Variants in ZFP3 observed in about 807,000 individuals in gnomAD.
ZFP3 encodes the protein zinc finger protein 3 homolog.
Under a neutral mutation model 36.7 loss-of-function variants are expected in ZFP3, and 18 were observed. The observed-to-expected ratio is 0.49, with a 90% CI of 0.34 to 0.73. ZFP3 has a LOEUF of 0.73. ZFP3 is among the 30% of genes least tolerant of loss of function. The pLI is 0.01. For missense variants in ZFP3, 495 were observed against 599.0 expected, an observed-to-expected ratio of 0.83 and a Z score of 1.81; for synonymous variants, 218 against 199.0, an observed-to-expected ratio of 1.10 and a Z score of -0.81.
chr17:5,088,607 C>A (rs1170762613), intron 1 of ZFP3, among the ~76,000 whole-genome samples: 1 of 151,976 alleles, frequency 6.6e-6, no homozygotes, highest in African/African-American at 2.4e-5. Context: ...CGCCACCATG[C>A]CCGGCTAATT....
intron 1 of ZFP3, among the ~76,000 whole-genome samples, chr17:5,083,164 C>T (rs2072102851): frequency 6.6e-6 from 1 of 152,100 alleles, no homozygotes; most frequent in Non-Finnish European, 1.5e-5. Context: ...TGGCAATGTA[C>T]CCATAATTCT....
At position 5,094,639 on chromosome 17, in the gene ZFP3, ATTTAAC is replaced by A. The variant is rs1211037201; in HGVS notation, c.*1631_*1636del. 1.8e-5 allele frequency: 3 copies of A among 167,242 alleles called. No individual in the cohort carries two copies. Among genetic ancestry groups the A allele is most frequent in the Admixed American group, 1.3e-4 (2 of 15,306 alleles). 10.4% of individuals were successfully genotyped at this position (167,242 alleles called of 1,614,324 possible). ...CCGATAATTCCTTAATTCTTTAAAAATTTAACTTTATATATCTTTATTATTCTTTAA... is the reference window on the plus strand; with the variant it reads ...CCGATAATTCCTTAATTCTTTAAAAATTTATATATCTTTATTATTCTTTAA... On this transcript the variant is annotated 3_prime_UTR_variant, in exon 2 of 2. Transcript: ENST00000318833.
intron 1 of ZFP3, among the ~76,000 whole-genome samples, chr17:5,080,045 A>G (rs970266481): frequency 8.2e-5 from 12 of 146,790 alleles, no homozygotes; most frequent in African/African-American, 2.3e-4. Flanking sequence ...TCTCCAAAGA[A>G]AAAAAAAAAA....
chr17:5,083,773 C>T (rs2072106013), intron 1 of ZFP3, among the ~76,000 whole-genome samples: 1 of 152,192 alleles, frequency 6.6e-6, no homozygotes, highest in South Asian at 2.1e-4. Context: ...AGACATTCAT[C>T]TAACAAGATC....
In ZFP3 at chr17:5,092,440, T is replaced by C; in HGVS notation, c.936T>C (p.Asn312=). The C allele has an allele frequency of 2.5e-6, 4 of 1,614,070 alleles. No individual in the cohort carries two copies. The highest frequency in any genetic ancestry group is 3.4e-6 in the Non-Finnish European group (4 of 1,180,012). ...IHTGEKPYLC[N]ECGKGFGQSS... ...CTGGAGAAAAACCATATCTGTGTAA[T>C]GAATGTGGGAAGGGCTTCGGGCAGA... The change falls in exon 2 of 2, where the codon AAT becomes AAC. Residue 312 remains asparagine, a synonymous_variant. Transcript: ENST00000318833. This position sits in a 1 kb window ranked among gnomAD's most constrained non-coding sequence, Gnocchi z 5.0.
chr17:5,087,817 C>T (rs1696103468), intron 1 of ZFP3, among the ~76,000 whole-genome samples: 1 of 152,150 alleles, frequency 6.6e-6, no homozygotes, highest in Admixed American at 6.5e-5. Flanking sequence ...GCCCTTTCGT[C>T]CCTGCTTCCA....
chr17:5,082,579 G>T (rs2072099816), intron 1 of ZFP3, among the ~76,000 whole-genome samples: 1 of 152,134 alleles, frequency 6.6e-6, no homozygotes, highest in Admixed American at 6.5e-5. Flanking sequence ...CCAGGCTGGA[G>T]TGCAGTGGTG....
rs2072172121 is a variant in ZFP3, at chr17:5,094,877, T to C, written c.*1864T>C. ...GTTGAATGATTTTTAATTTACATAGTGGTGCAACCATCAATGATGTGGGTA... is the reference window on the plus strand; with the variant it reads ...GTTGAATGATTTTTAATTTACATAGCGGTGCAACCATCAATGATGTGGGTA... On this transcript the variant is annotated 3_prime_UTR_variant, in exon 2 of 2. Transcript: ENST00000318833. 1 of 167,048 alleles carries C rather than the reference T, an allele frequency of 6.0e-6. No homozygotes were observed. The highest frequency in any genetic ancestry group is 6.5e-5 in the Admixed American group (1 of 15,274). 10.3% of individuals were successfully genotyped at this position (167,048 alleles called of 1,614,324 possible). A position where few individuals can be genotyped will look rare whatever the true frequency, so the allele number is the denominator to read the frequency against.
chr17:5,082,075 C>G (rs1475303508), intron 1 of ZFP3, among the ~76,000 whole-genome samples: 1 of 148,520 alleles, frequency 6.7e-6, no homozygotes, highest in Non-Finnish European at 1.5e-5. Context: ...AGGCTGGGCA[C>G]GGTGCCTCAC....
rs1030064102 is a variant in ZFP3, at chr17:5,082,229, C to T, written c.-9+3654C>T. On this transcript the variant is annotated intron_variant, in intron 1 of 1. Transcript: ENST00000318833. ...GGGCCTGGTGGTGGGCGTGTGTAAT[C>T]CCAGCTACTAGGGAGGCTGAGGCAG... Among the ~76,000 whole-genome samples the T allele has an allele frequency of 4.6e-5, 7 of 151,966 alleles. No homozygotes were observed. In the East Asian group the frequency reaches 1.4e-3, roughly 30 times the overall value.
intron 1 of ZFP3, among the ~76,000 whole-genome samples, chr17:5,084,766 A>G (rs760859884): frequency 5.9e-5 from 9 of 152,148 alleles, no homozygotes; most frequent in Non-Finnish European, 1.0e-4. Flanking sequence ...AGAAACATTT[A>G]ATTTCAGATT....
intron 1 of ZFP3, among the ~76,000 whole-genome samples, chr17:5,079,025 G>A (rs1191332980): frequency 6.6e-6 from 1 of 152,228 alleles, no homozygotes; most frequent in Non-Finnish European, 1.5e-5. Context: ...AAAGGAGACA[G>A]GTTTGAGCTG....
At chr17:5,081,333 G>C (rs1203273303) in intron 1 of ZFP3, among the ~76,000 whole-genome samples, 2 of 151,914 alleles carry the variant, frequency 1.3e-5, no homozygotes, top group Non-Finnish European at 2.9e-5. Context: ...TACTCCTCCT[G>C]TACTTCCTGG....
rs1484622608 is a variant in ZFP3 at position 5,093,236 on chromosome 17, G to A, written c.*223G>A. Reference sequence around the variant, plus strand: ...TCTGTTGCCCAGGATGGGATGCAGTGGCACAGTCGTAACTCACTGCTTCCT... The same window carrying A: ...TCTGTTGCCCAGGATGGGATGCAGTAGCACAGTCGTAACTCACTGCTTCCT... On this transcript the variant is annotated 3_prime_UTR_variant, in exon 2 of 2. Transcript: ENST00000318833. The A allele has an allele frequency of 1.6e-5, 8 of 493,994 alleles. No homozygotes were observed. Among genetic ancestry groups the A allele is most frequent in the Non-Finnish European group, 2.9e-5 (8 of 278,720 alleles). The allele number at this position is 493,994 out of a possible 1,614,324, so 30.6% of individuals were successfully genotyped here.
chr17:5,090,681 T>TC (rs2072145211), intron 1 of ZFP3, among the ~76,000 whole-genome samples: 1 of 152,146 alleles, frequency 6.6e-6, no homozygotes, highest in South Asian at 2.1e-4. Context: ...CCTTTTTTTT[T>TC]CTTTTTTGAG....
chr17:5,085,953 A>AT (rs1469676836), intron 1 of ZFP3, among the ~76,000 whole-genome samples: 1 of 152,202 alleles, frequency 6.6e-6, no homozygotes, highest in Non-Finnish European at 1.5e-5. Context: ...AGAGAAATGT[A>AT]TTTAAGACAG....
chr17:5,088,670 G>A (rs755729569), intron 1 of ZFP3, among the ~76,000 whole-genome samples: 12 of 151,254 alleles, frequency 7.9e-5, no homozygotes, highest in East Asian at 5.8e-4. Context: ...AGATGGTCTC[G>A]ATCTTCTGAC....
intron 1 of ZFP3, 104 bp from the exon 2 acceptor site, chr17:5,091,393 T>G: frequency 1.6e-6 from 2 of 1,271,036 alleles, no homozygotes; most frequent in Non-Finnish European, 2.1e-6. Context: ...ACCAAGACTG[T>G]TTCTGAGTGC....
In ZFP3 at chr17:5,091,852, T is replaced by G; in HGVS notation, c.348T>G (p.Ala116=). The change falls in exon 2 of 2, where the codon GCT becomes GCG. Residue 116 remains alanine (A), a synonymous_variant. Coordinates refer to ENST00000318833, the MANE Select transcript of ZFP3 (RefSeq NM_153018.3). ...GDTTEGVSAF[A]TSGQNFLEIL... ...CAACAGAGGGAGTTAGTGCATTTGC[T>G]ACCTCTGGCCAAAACTTCCTAGAGA... 6.2e-7 allele frequency: 1 copy of G among 1,614,230 alleles called. No homozygotes were observed. Among genetic ancestry groups the G allele is most frequent in the South Asian group, 1.1e-5 (1 of 91,090 alleles).
Sources: allele counts gnomAD v4.1 joint callset (sites outside exome capture counted in the v4.1 genomes callset), GRCh38; gene constraint gnomAD v4.1.1; non-coding constraint Gnocchi (gnomAD v3.1); transcripts MANE v1.5; gene names NCBI Gene and HGNC (gene_info 2026-07-23, HGNC 2026-07-21).